ARL6IP5: variants seen among roughly 807,000 people sequenced by gnomAD.
ARL6IP5 encodes the protein ARF like GTPase 6 interacting protein 5.
Under a neutral mutation model 13.0 loss-of-function variants are expected in ARL6IP5, and 6 were observed. That is an observed-to-expected ratio of 0.46 (90% CI 0.25 to 0.91). The LOEUF is 0.91. ARL6IP5 is among the 40% of genes least tolerant of loss of function. The pLI is 0.17. For synonymous variants in ARL6IP5, 91 were observed against 91.9 expected, an observed-to-expected ratio of 0.99 and a Z score of 0.06; for missense variants, 208 against 248.8, an observed-to-expected ratio of 0.84 and a Z score of 1.10.
intron 1 of ARL6IP5, among the ~76,000 whole-genome samples, chr3:69,092,932 T>G (rs1318646453): frequency 6.6e-6 from 1 of 152,162 alleles, no homozygotes; most frequent in African/African-American, 2.4e-5. Flanking sequence ...AACCATGGGT[T>G]GCTAATTGTG....
At chr3:69,091,869 G>A (rs1455264793) in intron 1 of ARL6IP5, among the ~76,000 whole-genome samples, 7 of 151,896 alleles carry the variant, frequency 4.6e-5, no homozygotes, top group Non-Finnish European at 7.4e-5. Flanking sequence ...AGTTCAAAAA[G>A]GTCAAGACCC....
At chr3:69,104,034 G>T (rs560080776) in intron 2 of ARL6IP5, among the ~76,000 whole-genome samples, 1 of 152,152 alleles carries the variant, frequency 6.6e-6, no homozygotes, top group East Asian at 1.9e-4. Flanking sequence ...CTTTACTCAC[G>T]TGCTCCTGCA....
chr3:69,094,291 G>A (rs1559653285), intron 1 of ARL6IP5, among the ~76,000 whole-genome samples: 1 of 152,152 alleles, frequency 6.6e-6, no homozygotes, highest in South Asian at 2.1e-4. Context: ...CTTGTGGAGT[G>A]TGTGACCTGG....
rs2092307150 is a variant in ARL6IP5 at position 69,101,988 on chromosome 3, G to C, written c.326G>C (p.Ser109Thr). 3 of 1,614,082 alleles carry C rather than the reference G, an allele frequency of 1.9e-6. No individual in the cohort carries two copies. The highest frequency in any genetic ancestry group is 2.5e-6 in the Non-Finnish European group (3 of 1,180,024). Residue 109 changes from serine to threonine, a missense_variant, in exon 2 of 3, where the codon AGC (serine) becomes ACC (threonine). Coordinates refer to ENST00000273258, the MANE Select transcript of ARL6IP5 (RefSeq NM_006407.4). Reference sequence around the variant, plus strand: ...TTCGTTATGGTGGTCATGTTGGCGAGCTATTTCCTTATCTCCATGTTTGGA... The same window carrying C: ...TTCGTTATGGTGGTCATGTTGGCGACCTATTTCCTTATCTCCATGTTTGGA... ...TTFVMVVMLA[S>T]YFLISMFGGV...
intron 1 of ARL6IP5, among the ~76,000 whole-genome samples, chr3:69,098,503 C>A (rs995808926): frequency 2.6e-5 from 4 of 152,054 alleles, no homozygotes; most frequent in African/African-American, 9.7e-5. Flanking sequence ...CCTCAGCCTC[C>A]CAAAGTGCTG....
Position 69,085,157 on chromosome 3 carries a change from T to C in ARL6IP5, c.110T>C (p.Val37Ala). The part of the protein sequence containing the change: ...RDISKWNNRV[V>A]SNLLYYQTNY... Reference sequence around the variant, plus strand: ...ATTTCCAAATGGAACAACCGCGTAGTGAGCAACCTGCTCTATTACCAGACC... The same window carrying C: ...ATTTCCAAATGGAACAACCGCGTAGCGAGCAACCTGCTCTATTACCAGACC... Residue 37 changes from valine (V) to alanine (A), a missense_variant, in exon 1 of 3, where the codon GTG (valine) becomes GCG (alanine). By Grantham distance (64) the Val-to-Ala change is moderately conservative. Coordinates refer to ENST00000273258, the MANE Select transcript of ARL6IP5 (RefSeq NM_006407.4). The C allele has an allele frequency of 6.2e-7, 1 of 1,614,226 alleles. No individual in the cohort carries two copies. The highest frequency in any genetic ancestry group is 8.5e-7 in the Non-Finnish European group (1 of 1,180,038).
intron 1 of ARL6IP5, among the ~76,000 whole-genome samples, chr3:69,091,807 A>G (rs999274491): frequency 1.3e-5 from 2 of 152,088 alleles, no homozygotes; most frequent in African/African-American, 4.8e-5. Flanking sequence ...CTGTCTTAGA[A>G]AGGAGAAGCT....
At chr3:69,102,997 G>A (rs2092310979) in intron 2 of ARL6IP5, among the ~76,000 whole-genome samples, 1 of 152,168 alleles carries the variant, frequency 6.6e-6, no homozygotes, top group Non-Finnish European at 1.5e-5. Context: ...TTAAGTGACA[G>A]GCACATCCCT....
At chr3:69,102,292 C>T (rs745322666) in intron 2 of ARL6IP5, 13 of 552,664 alleles carry the variant, frequency 2.4e-5, no homozygotes, top group Admixed American at 2.2e-4. Flanking sequence ...GTTGGGGCAT[C>T]TGCTATGTGT....
rs1362834427 is a variant in ARL6IP5 at position 69,105,641 on chromosome 3, C to G, written c.*1005C>G. 6.6e-6 allele frequency: 1 copy of G among 152,206 alleles called. No individual in the cohort carries two copies. Among genetic ancestry groups the G allele is most frequent in the Non-Finnish European group, 1.5e-5 (1 of 68,028 alleles). The allele number at this position is 152,206 out of a possible 1,614,324, so 9.4% of individuals were successfully genotyped here. A position where few individuals can be genotyped will look rare whatever the true frequency, so the allele number is the denominator to read the frequency against. On this transcript the variant is annotated 3_prime_UTR_variant, in exon 3 of 3. Coordinates refer to ENST00000273258, the MANE Select transcript of ARL6IP5 (RefSeq NM_006407.4). Reference sequence around the variant, plus strand: ...TGGTAATGAAAATGGAATGCAGCTACTGCAGCTAATAAAAAATTTTAGATA... The same window carrying G: ...TGGTAATGAAAATGGAATGCAGCTAGTGCAGCTAATAAAAAATTTTAGATA...
intron 1 of ARL6IP5, among the ~76,000 whole-genome samples, chr3:69,089,344 A>C (rs1464963406): frequency 6.6e-6 from 1 of 152,166 alleles, no homozygotes; most frequent in Non-Finnish European, 1.5e-5. Flanking sequence ...TGAAATGTAA[A>C]AGCTCGAGGT....
chr3:69,098,288 A>G (rs1220599636), intron 1 of ARL6IP5, among the ~76,000 whole-genome samples: 9 of 120,370 alleles, frequency 7.5e-5, no homozygotes, highest in Non-Finnish European at 1.3e-4. Context: ...CTTGTTGCCC[A>G]GGCTGGAGTG....
chr3:69,091,681 T>C (rs1326792722), intron 1 of ARL6IP5, among the ~76,000 whole-genome samples: 1 of 148,196 alleles, frequency 6.7e-6, no homozygotes, highest in East Asian at 1.9e-4. Flanking sequence ...TTTTCAATGT[T>C]GCCTGCTACT....
chr3:69,104,836 A>T lies in ARL6IP5; in HGVS notation c.*200A>T, dbSNP rs1315295872. 1 of 714,488 alleles carries T rather than the reference A, an allele frequency of 1.4e-6. No homozygotes were observed. Among genetic ancestry groups the T allele is most frequent in the Non-Finnish European group, 2.5e-6 (1 of 396,762 alleles). The allele number at this position is 714,488 out of a possible 1,614,324, so 44.3% of individuals were successfully genotyped here. A position where few individuals can be genotyped will look rare whatever the true frequency, so the allele number is the denominator to read the frequency against. ...CCTCAGAAACCGAAAGAAAACCACC[A>T]CCCTCCTATTGTGTCTGAAGTTTCA... On this transcript the variant is annotated 3_prime_UTR_variant, in exon 3 of 3. Coordinates refer to ENST00000273258, the MANE Select transcript of ARL6IP5 (RefSeq NM_006407.4).
intron 1 of ARL6IP5, among the ~76,000 whole-genome samples, 153 bp from the exon 2 acceptor site, chr3:69,101,686 C>G (rs2092305671): frequency 6.6e-6 from 1 of 152,008 alleles, no homozygotes; most frequent in South Asian, 2.1e-4. Context: ...AATAGTATCT[C>G]CTTTATAAGG....
At chr3:69,103,799 A>G (rs188301185) in intron 2 of ARL6IP5, among the ~76,000 whole-genome samples, 5 of 152,294 alleles carry the variant, frequency 3.3e-5, no homozygotes, top group Admixed American at 2.0e-4. Context: ...TATAGATCAT[A>G]TGGAGAGAGG....
Position 69,104,905 on chromosome 3 carries a change from T to A in ARL6IP5, c.*269T>A. ...AATGGGAAATGGATCACACGATTTC[T>A]TTAAGGGAATTAAAAAAAATAAAAG... On this transcript the variant is annotated 3_prime_UTR_variant, in exon 3 of 3. Coordinates refer to ENST00000273258, the MANE Select transcript of ARL6IP5 (RefSeq NM_006407.4). 3 of 698,448 alleles carry A rather than the reference T, an allele frequency of 4.3e-6. No homozygotes were observed. The highest frequency in any genetic ancestry group is 7.8e-6 in the Non-Finnish European group (3 of 384,118). 43.3% of individuals were successfully genotyped at this position (698,448 alleles called of 1,614,324 possible).
chr3:69,096,012 G>C (rs550679385), intron 1 of ARL6IP5, among the ~76,000 whole-genome samples: 1 of 152,186 alleles, frequency 6.6e-6, no homozygotes, highest in Non-Finnish European at 1.5e-5. Context: ...CTGTTAATCT[G>C]TAGAGGGTGT....
At chr3:69,100,843 C>G (rs2092303052) in intron 1 of ARL6IP5, among the ~76,000 whole-genome samples, 1 of 151,642 alleles carries the variant, frequency 6.6e-6, no homozygotes, top group Non-Finnish European at 1.5e-5. Flanking sequence ...GCCTATGTGT[C>G]CATGATGCAG....
Sources: allele counts gnomAD v4.1 joint callset (sites outside exome capture counted in the v4.1 genomes callset), GRCh38; gene constraint gnomAD v4.1.1; transcripts MANE v1.5; gene names NCBI Gene and HGNC (gene_info 2026-07-23, HGNC 2026-07-21).